The following AMOTL1 variants were observed in gnomAD, a reference collection of about 807,000 sequenced individuals.
AMOTL1 encodes angiomotin-like protein 1.
A neutral mutation model predicts 102.9 loss-of-function variants in AMOTL1; 45 were observed. The observed-to-expected ratio is 0.44, with a 90% confidence interval of 0.34 to 0.56. The LOEUF is 0.56. Among genes scored for constraint, AMOTL1 ranks in the 20% least tolerant of loss-of-function variants. The pLI is 0.01. For synonymous variants in AMOTL1, 481 were observed against 484.7 expected (o/e 0.99, Z 0.10); for missense variants, 1,114 against 1,225.6 (o/e 0.91, Z 1.36).
intron 1 of AMOTL1, among the ~76,000 whole-genome samples, chr11:94,792,828 A>AT (rs1378153480): frequency 1.3e-5 from 2 of 152,178 alleles, no homozygotes; most frequent in South Asian, 4.1e-4. Context: ...GGGAAAAGGC[A>AT]TATCTTTGGT....
intron 2 of AMOTL1, chr11:94,740,296 G>A (rs1950499957): frequency 6.6e-6 from 1 of 152,228 alleles, no homozygotes; most frequent in Admixed American, 6.5e-5. Flanking sequence ...ATCAGAGGAG[G>A]GCAGACATAA....
rs1410361205 is a variant in AMOTL1 at position 94,876,691 on chromosome 11, C to T, written c.*5896C>T. 2 of 152,654 alleles carry T rather than the reference C, an allele frequency of 1.3e-5. No homozygotes were observed. Among genetic ancestry groups the T allele is most frequent in the Non-Finnish European group, 2.9e-5 (2 of 68,038 alleles). 9.5% of individuals were successfully genotyped at this position (152,654 alleles called of 1,614,324 possible). ...AAATGACTCTTTTCTCTCGCTTGCT[C>T]CTTTCTTCCTTAAAGAACTTATAAA... On this transcript the variant is annotated 3_prime_UTR_variant, in exon 13 of 13. Transcript: ENST00000433060.
At position 94,797,104 on chromosome 11, in the gene AMOTL1, G is replaced by T. The variant is rs907042744; in HGVS notation, c.199+1944G>T. The stretch of plus-strand genomic sequence containing the variant: ...AGGAAGAAAAGATGAACTTGGGGAA[G>T]AAAGATTGTTTTGGGAAAATGATGT... On this transcript the variant is annotated intron_variant, in intron 2 of 12. Coordinates refer to ENST00000433060, the MANE Select transcript of AMOTL1 (RefSeq NM_130847.3). 8 of 840,746 alleles carry T rather than the reference G, an allele frequency of 9.5e-6. No homozygotes were observed. The African/African-American group carries it at 1.3e-4, about 14-fold the overall frequency. 52.1% of individuals were successfully genotyped at this position (840,746 alleles called of 1,614,324 possible).
intron 1 of AMOTL1, among the ~76,000 whole-genome samples, chr11:94,777,802 G>A (rs935569332): frequency 2.0e-5 from 3 of 152,156 alleles, no homozygotes; most frequent in African/African-American, 7.2e-5. Context: ...CAGAAATTTG[G>A]ATACAGAATC....
At chr11:94,846,306 A>G (rs1379206611) in intron 6 of AMOTL1, among the ~76,000 whole-genome samples, 1 of 152,244 alleles carries the variant, frequency 6.6e-6, no homozygotes, top group Non-Finnish European at 1.5e-5. Context: ...AGAATGCTAC[A>G]TCCTACTCAC....
chr11:94,810,586 A>C (rs939562396), intron 3 of AMOTL1, among the ~76,000 whole-genome samples: 2 of 151,722 alleles, frequency 1.3e-5, no homozygotes, highest in African/African-American at 4.8e-5. Context: ...TTATCTGTTT[A>C]CACTCTTGGG....
Position 94,799,798 on chromosome 11 carries a change from G to GGCAGCAGCAGCA in AMOTL1, c.612_623dup (p.Gln208_Gln211dup). On this transcript the variant is annotated inframe_insertion, in exon 3 of 13. Transcript: ENST00000433060. This position sits in a 1 kb window ranked among gnomAD's most constrained non-coding sequence, Gnocchi z 4.5. ...AAAGCACAGTCGCAGTTCTTCAGGG[G>GGCAGCAGCAGCA]GCAGCAGCAGCAGCAACAGCAGCAG... 6.2e-7 allele frequency: 1 copy of GGCAGCAGCAGCA among 1,600,628 alleles called. No individual in the cohort carries two copies.
chr11:94,712,514 G>T (rs1436508215), intron 1 of AMOTL1, among the ~76,000 whole-genome samples: 3 of 151,876 alleles, frequency 2.0e-5, no homozygotes, highest in Non-Finnish European at 2.9e-5. Context: ...GAGCTTCTGT[G>T]CAACAAAAGA....
intron 10 of AMOTL1, 70 bp downstream of exon 10, chr11:94,864,930 CT>C: frequency 1.3e-6 from 2 of 1,533,494 alleles, no homozygotes; most frequent in Non-Finnish European, 1.8e-6. Context: ...GAACAGATTG[CT>C]TCTCTGTCCT....
intron 6 of AMOTL1, among the ~76,000 whole-genome samples, chr11:94,839,618 A>G (rs769764738): frequency 1.3e-5 from 2 of 152,194 alleles, no homozygotes; most frequent in Non-Finnish European, 2.9e-5. Flanking sequence ...TTTAGAGCTC[A>G]TTAGTGTAGC....
Position 94,745,453 on chromosome 11 carries a change from G to T in AMOTL1, c.136+4465G>T, listed in dbSNP as rs1196109766. Among the ~76,000 whole-genome samples the T allele has an allele frequency of 2.0e-5, 3 of 152,148 alleles. No homozygotes were observed. In the East Asian group the frequency reaches 5.8e-4, roughly 29 times the overall value. ...AGGTATTTATTATGAATAAAAAAAA[G>T]ATGCTCCTATCACCTCTATCACTCA... On this transcript the variant is annotated intron_variant, in intron 3 of 4. Transcript: ENST00000299004.
intron 1 of AMOTL1, among the ~76,000 whole-genome samples, chr11:94,724,139 G>C (rs754067201): frequency 9.9e-5 from 15 of 152,178 alleles, no homozygotes; most frequent in Admixed American, 4.6e-4. Context: ...TGCTTCAGTG[G>C]GTTGTTTGGT....
At chr11:94,718,957 A>G (rs544951111) in intron 1 of AMOTL1, among the ~76,000 whole-genome samples, 78 of 152,010 alleles carry the variant, frequency 5.1e-4, no homozygotes, top group South Asian at 2.1e-4. Context: ...AGATTTTCCC[A>G]TGCCAGAATT....
At chr11:94,855,618 G>C (rs28733014) in intron 8 of AMOTL1, among the ~76,000 whole-genome samples, 13 of 152,132 alleles carry the variant, frequency 8.5e-5, no homozygotes, top group Non-Finnish European at 1.3e-4. Context: ...TTAATATGCC[G>C]TCCACACCCT....
At position 94,806,821 on chromosome 11, in the gene AMOTL1, T is replaced by C. The variant is rs1591985495; in HGVS notation, c.1121+6510T>C. On this transcript the variant is annotated intron_variant, in intron 3 of 12. Transcript: ENST00000433060. ...GGATAGCAATGATTTTGATCTTAGT[T>C]TACCCAAGAGTAGAGTCTTCATTTG... is the stretch of plus-strand genomic sequence containing the variant. Among the ~76,000 whole-genome samples, 3 of 152,168 alleles carry C rather than the reference T, an allele frequency of 2.0e-5. No homozygotes were observed. The East Asian group carries it at 5.8e-4, about 29-fold the overall frequency.
chr11:94,848,088 T>C (rs1029092867), intron 6 of AMOTL1, among the ~76,000 whole-genome samples: 10 of 152,186 alleles, frequency 6.6e-5, no homozygotes, highest in African/African-American at 2.4e-4. Context: ...ACTATGCCCA[T>C]TGAGATGTTG....
At chr11:94,764,160 T>A (rs1254212931), upstream of AMOTL1, among the ~76,000 whole-genome samples, 1 of 152,180 alleles carries the variant, frequency 6.6e-6, no homozygotes, top group Non-Finnish European at 1.5e-5. Flanking sequence ...CCATAATGCT[T>A]TGTGTCTAAT....
chr11:94,757,193 AC>A (rs1950736765), intron 3 of AMOTL1, among the ~76,000 whole-genome samples: 1 of 152,120 alleles, frequency 6.6e-6, no homozygotes, highest in Non-Finnish European at 1.5e-5. Context: ...CACGAAAATG[AC>A]CATATTTGGT....
At chr11:94,834,734 G>A (rs1037978850) in intron 6 of AMOTL1, among the ~76,000 whole-genome samples, 1 of 152,160 alleles carries the variant, frequency 6.6e-6, no homozygotes, top group Non-Finnish European at 1.5e-5. Context: ...TTTGCTAGGT[G>A]TTCGCACGGA....
Sources: gnomAD v4.1 joint callset for allele counts (sites outside exome capture counted in the v4.1 genomes callset) on GRCh38, gnomAD v4.1.1 for gene constraint, Gnocchi (gnomAD v3.1) non-coding constraint, MANE v1.5 for transcripts, NCBI Gene and HGNC (gene_info 2026-07-23, HGNC 2026-07-21) for gene names.